Variants in KCNIP4 observed in about 807,000 individuals in gnomAD.
The protein encoded by KCNIP4 is Kv channel-interacting protein 4.
Under a neutral mutation model 34.0 loss-of-function variants are expected in KCNIP4, and 12 were observed. The observed-to-expected ratio is 0.35, with a 90% CI of 0.23 to 0.57. KCNIP4 has a LOEUF of 0.57. Ranked by LOEUF, KCNIP4 falls within the 20% of genes least tolerant of loss-of-function variation. The pLI, the probability that KCNIP4 is intolerant of heterozygous loss-of-function variation, is 0.83. For missense variants in KCNIP4, 238 were observed against 311.7 expected, an observed-to-expected ratio of 0.76 and a Z score of 1.78; for synonymous variants, 124 against 102.2, an observed-to-expected ratio of 1.21 and a Z score of -1.29.
At chr4:21,075,628 A>T (rs1225012196) in intron 1 of KCNIP4, among the ~76,000 whole-genome samples, 1 of 152,174 alleles carries the variant, frequency 6.6e-6, no homozygotes, top group African/African-American at 2.4e-5. Context: ...TGGAGCATTT[A>T]GTCCATTTAC....
At chr4:21,193,572 T>A (rs1755835983) in intron 1 of KCNIP4, among the ~76,000 whole-genome samples, 1 of 41,754 alleles carries the variant, frequency 2.4e-5, no homozygotes, top group African/African-American at 3.2e-4. Context: ...CAATTTTAAA[T>A]TTTTTTTTTT....
intron 1 of KCNIP4, among the ~76,000 whole-genome samples, chr4:21,943,732 A>G (rs1204129367): frequency 6.6e-6 from 1 of 152,168 alleles, no homozygotes; most frequent in Non-Finnish European, 1.5e-5. Flanking sequence ...AGGAGAATCT[A>G]TGACTCAAGT....
chr4:21,131,217 T>C (rs1382055472), intron 1 of KCNIP4, among the ~76,000 whole-genome samples: 2 of 152,178 alleles, frequency 1.3e-5, no homozygotes, highest in African/African-American at 2.4e-5. Flanking sequence ...TAGGATACCA[T>C]GTAGCAACAA....
intron 1 of KCNIP4, among the ~76,000 whole-genome samples, chr4:21,032,296 T>C (rs1166129382): frequency 1.3e-5 from 2 of 152,038 alleles, no homozygotes; most frequent in Non-Finnish European, 2.9e-5. Context: ...CTGAGAAGAG[T>C]CAATACCCAA....
At chr4:20,916,457 A>G (rs1411851168) in intron 1 of KCNIP4, 1 of 475,796 alleles carries the variant, frequency 2.1e-6, no homozygotes, top group African/African-American at 2.1e-5. Flanking sequence ...GCAATCTAGG[A>G]GAAAAAATAG....
intron 1 of KCNIP4, among the ~76,000 whole-genome samples, chr4:21,243,044 A>G (rs530541598): frequency 6.6e-6 from 1 of 152,236 alleles, no homozygotes; most frequent in East Asian, 1.9e-4. Flanking sequence ...TTAGTGATCA[A>G]TATTTCTTAT....
chr4:21,299,737 A>G (rs955759639), intron 1 of KCNIP4, among the ~76,000 whole-genome samples: 2 of 152,108 alleles, frequency 1.3e-5, no homozygotes, highest in African/African-American at 4.8e-5. Flanking sequence ...CATGGTCTGA[A>G]CACGCCATCA....
intron 1 of KCNIP4, among the ~76,000 whole-genome samples, chr4:21,200,361 T>C (rs1756393357): frequency 9.6e-6 from 1 of 103,648 alleles, no homozygotes; most frequent in Non-Finnish European, 1.8e-5. Flanking sequence ...TGTGTATATA[T>C]ATATACATAC....
At chr4:20,794,822 C>T (rs1010650172) in intron 3 of KCNIP4, among the ~76,000 whole-genome samples, 1 of 152,206 alleles carries the variant, frequency 6.6e-6, no homozygotes, top group South Asian at 2.1e-4. Flanking sequence ...GATCTAACAA[C>T]ACAACACTGA....
intron 1 of KCNIP4, among the ~76,000 whole-genome samples, chr4:21,053,008 T>TATACACACACACACAC (rs1300502264): frequency 3.3e-5 from 5 of 151,484 alleles, no homozygotes; most frequent in Admixed American, 6.6e-5. Context: ...GAAAGATATG[T>TATACACACACACACAC]ATACACACAC....
chr4:21,920,631 T>G (rs1728887825), intron 1 of KCNIP4, among the ~76,000 whole-genome samples: 1 of 152,092 alleles, frequency 6.6e-6, no homozygotes, highest in Non-Finnish European at 1.5e-5. Flanking sequence ...ATAATTATAA[T>G]TAAAACAATA....
chr4:20,810,085 G>A (rs956529412), intron 3 of KCNIP4, among the ~76,000 whole-genome samples: 4 of 152,208 alleles, frequency 2.6e-5, no homozygotes, highest in Non-Finnish European at 5.9e-5. Flanking sequence ...AACGACTGCA[G>A]CAACTTGGCA....
At chr4:20,891,349 G>A (rs996408392) in intron 1 of KCNIP4, among the ~76,000 whole-genome samples, 2 of 152,148 alleles carry the variant, frequency 1.3e-5, no homozygotes, top group Non-Finnish European at 2.9e-5. Context: ...GCTCATGCCT[G>A]TAATCCTAGC....
At chr4:20,973,978 G>A (rs923049135) in intron 1 of KCNIP4, among the ~76,000 whole-genome samples, 6 of 152,094 alleles carry the variant, frequency 3.9e-5, no homozygotes, top group Non-Finnish European at 5.9e-5. Context: ...TAATAATAAC[G>A]AAAATGTTTG....
In KCNIP4 at chr4:20,935,995, T is replaced by A. The variant is rs1413355692; in HGVS notation, c.62-53286A>T. Among the ~76,000 whole-genome samples, 4 of 152,334 alleles carry A rather than the reference T, an allele frequency of 2.6e-5. No individual in the cohort carries two copies. In the East Asian group the frequency reaches 5.8e-4, roughly 22 times the overall value. On this transcript the variant is annotated intron_variant, in intron 1 of 8. Coordinates refer to ENST00000382152, the MANE Select transcript of KCNIP4 (RefSeq NM_025221.6). ...CTTAACAATCCTAATGATAGAGGTC[T>A]TGTGATTCCCAGGTTATACATGAAA...
intron 1 of KCNIP4, among the ~76,000 whole-genome samples, chr4:21,272,848 C>T (rs1762233329): frequency 6.6e-6 from 1 of 152,142 alleles, no homozygotes; most frequent in African/African-American, 2.4e-5. Flanking sequence ...CTAAGGTTCT[C>T]TGATTTTTCT....
At chr4:21,514,483 A>C (rs926682541) in intron 1 of KCNIP4, among the ~76,000 whole-genome samples, 1 of 152,182 alleles carries the variant, frequency 6.6e-6, no homozygotes, top group African/African-American at 2.4e-5. Flanking sequence ...GCTTCAAGTA[A>C]AGTGTATGTT....
At chr4:20,836,836 C>G (rs1002488610) in intron 3 of KCNIP4, among the ~76,000 whole-genome samples, 1 of 151,938 alleles carries the variant, frequency 6.6e-6, no homozygotes, top group African/African-American at 2.4e-5. Flanking sequence ...CTTAGGTCTC[C>G]TGCATCCACA....
intron 1 of KCNIP4, among the ~76,000 whole-genome samples, chr4:21,661,544 T>C (rs13151491): frequency 0.074 from 11,265 of 152,116 alleles, 601 homozygotes; most frequent in African/African-American, 0.14. Flanking sequence ...CACAAGGGGG[T>C]CAGGGAACTC....
Sources: allele counts gnomAD v4.1 joint callset (sites outside exome capture counted in the v4.1 genomes callset), GRCh38; gene constraint gnomAD v4.1.1; transcripts MANE v1.5; gene names NCBI Gene and HGNC (gene_info 2026-07-23, HGNC 2026-07-21).